FAM81A: variants seen among roughly 807,000 people sequenced by gnomAD.
FAM81A encodes family with sequence similarity 81 member A, also known as protein FAM81A.
A neutral mutation model predicts 46.7 loss-of-function variants in FAM81A; 19 were observed. The ratio of observed to expected loss-of-function variants is 0.41; its 90% CI spans 0.28 to 0.60. The LOEUF is 0.60. Among genes scored for constraint, FAM81A ranks in the 20% least tolerant of loss-of-function variants. FAM81A has a pLI of 0.34. For synonymous variants in FAM81A, 183 were observed against 152.9 expected (o/e 1.20, Z -1.45); for missense variants, 377 against 453.5 (o/e 0.83, Z 1.53).
chr15:59,453,291 G>A (rs2081441392), intron 1 of FAM81A, among the ~76,000 whole-genome samples: 1 of 152,160 alleles, frequency 6.6e-6, no homozygotes, highest in Non-Finnish European at 1.5e-5. Flanking sequence ...GTGATGTTGG[G>A]CCAGTTGCTG....
intron 6 of FAM81A, among the ~76,000 whole-genome samples, chr15:59,512,164 C>A (rs2082217602): frequency 6.6e-6 from 1 of 152,088 alleles, no homozygotes; most frequent in Non-Finnish European, 1.5e-5. Flanking sequence ...TTAGTACGTT[C>A]CATTTGTATA....
intron 6 of FAM81A, among the ~76,000 whole-genome samples, chr15:59,510,557 C>G (rs1231149604): frequency 6.6e-6 from 1 of 151,772 alleles, no homozygotes; most frequent in African/African-American, 2.4e-5. Context: ...GGTCTGGTAC[C>G]TTCAGATACT....
Position 59,450,756 on chromosome 15 carries a change from G to T in FAM81A, c.-77-7794G>T, listed in dbSNP as rs185919629. Reference sequence around the variant, plus strand: ...ACCCTTCAATATTCTTTTAAGATTTGCCAAGCAAGACAGCCACTTGGAAAT... The same window carrying T: ...ACCCTTCAATATTCTTTTAAGATTTTCCAAGCAAGACAGCCACTTGGAAAT... On this transcript the variant is annotated intron_variant, in intron 1 of 8. Coordinates refer to ENST00000288228, the MANE Select transcript of FAM81A (RefSeq NM_152450.3). Among the ~76,000 whole-genome samples the T allele has an allele frequency of 1.5e-3, 236 of 152,278 alleles. 2 individuals are homozygous for T. Among genetic ancestry groups the T allele is most frequent in the African/African-American group, 5.0e-3 (206 of 41,542 alleles).
In FAM81A at chr15:59,521,582, G is replaced by A; in HGVS notation, c.*204G>A. 1 of 486,374 alleles carries A rather than the reference G, an allele frequency of 2.1e-6. No individual in the cohort carries two copies. The highest frequency in any genetic ancestry group is 3.3e-6 in the Non-Finnish European group (1 of 303,836). 30.1% of individuals were successfully genotyped at this position (486,374 alleles called of 1,614,324 possible). A position where few individuals can be genotyped will look rare whatever the true frequency, so the allele number is the denominator to read the frequency against. On this transcript the variant is annotated 3_prime_UTR_variant, in exon 9 of 9. Coordinates refer to ENST00000288228, the MANE Select transcript of FAM81A (RefSeq NM_152450.3). ...AAAGTATGAAATACAGTTTTTACCA[G>A]TTTATTTCACTTCTCTAAATTCAAT...
At chr15:59,441,404 A>G (rs555513798) in intron 1 of FAM81A, among the ~76,000 whole-genome samples, 1 of 152,394 alleles carries the variant, frequency 6.6e-6, no homozygotes, top group South Asian at 2.1e-4. Flanking sequence ...AAGTGTGGCT[A>G]GTATGACTGA....
At chr15:59,479,519 G>GAAAAAAAAAAAAAAA (rs57107735) in intron 3 of FAM81A, among the ~76,000 whole-genome samples, 11 of 72,674 alleles carry the variant, frequency 1.5e-4, no homozygotes, top group Non-Finnish European at 2.2e-4. Context: ...TCAAAAATAA[G>GAAAAAAAAAAAAAAA]AAAAAAAAAA....
At chr15:59,411,124 C>T (rs1038839451) in intron 2 of FAM81A, among the ~76,000 whole-genome samples, 2 of 152,116 alleles carry the variant, frequency 1.3e-5, no homozygotes. Context: ...AGTATATTAG[C>T]TTTTATAATT....
At chr15:59,439,523 G>A (rs115782594) in intron 1 of FAM81A, among the ~76,000 whole-genome samples, 135 of 152,162 alleles carry the variant, frequency 8.9e-4, no homozygotes, top group African/African-American at 3.2e-3. Context: ...TCCACGGAGG[G>A]GAATGGAGGA....
chr15:59,465,340 T>C (rs555682443), intron 3 of FAM81A, among the ~76,000 whole-genome samples: 21 of 152,342 alleles, frequency 1.4e-4, no homozygotes, highest in African/African-American at 4.8e-4. Flanking sequence ...TGGCGTGATA[T>C]TGGCTCACGG....
intron 3 of FAM81A, among the ~76,000 whole-genome samples, chr15:59,473,656 G>A (rs1450670242): frequency 6.6e-6 from 1 of 152,156 alleles, no homozygotes; most frequent in Non-Finnish European, 1.5e-5. Context: ...ATGGGAGTCA[G>A]TCTATTCTGA....
At chr15:59,470,823 CT>C (rs1292260969) in intron 3 of FAM81A, among the ~76,000 whole-genome samples, 1 of 151,960 alleles carries the variant, frequency 6.6e-6, no homozygotes, top group Admixed American at 6.6e-5. Context: ...GAACACCCTC[CT>C]TTTTTTTCTT....
chr15:59,416,352 G>A (rs1349065317), intron 2 of FAM81A, among the ~76,000 whole-genome samples: 1 of 152,208 alleles, frequency 6.6e-6, no homozygotes, highest in East Asian at 1.9e-4. Context: ...GGAGAGACGG[G>A]GGCTTTTGTC....
intron 2 of FAM81A, among the ~76,000 whole-genome samples, chr15:59,407,441 C>T (rs2081101137): frequency 6.6e-6 from 1 of 151,936 alleles, no homozygotes; most frequent in African/African-American, 2.4e-5. Context: ...ACTACAGGCA[C>T]CCGCCACCAC....
At chr15:59,486,306 A>C (rs2081916436) in intron 3 of FAM81A, among the ~76,000 whole-genome samples, 1 of 152,190 alleles carries the variant, frequency 6.6e-6, no homozygotes, top group Admixed American at 6.5e-5. Flanking sequence ...CAGAAGAAAG[A>C]ATTAATGAGC....
rs77004704 is a variant in FAM81A, at chr15:59,400,236, C to T, written c.-160-2040C>T. ...CTGGGGGAATGCGTCTGCACACGTC[C>T]CAATACCAGAGCGAGAAAGTCAGGA... On this transcript the variant is annotated intron_variant, in intron 1 of 4. Coordinates refer to the FAM81A transcript ENST00000558348. Among the ~76,000 whole-genome samples, 470 of 151,034 alleles carry T rather than the reference C, an allele frequency of 3.1e-3. 5 individuals are homozygous for T. Among genetic ancestry groups the T allele is most frequent in the African/African-American group, 0.01 (430 of 41,470 alleles).
At chr15:59,474,212 T>C (rs773537643) in intron 3 of FAM81A, among the ~76,000 whole-genome samples, 6 of 152,240 alleles carry the variant, frequency 3.9e-5, no homozygotes, top group Non-Finnish European at 8.8e-5. Context: ...TTCCTCATCT[T>C]TGCATTGTCT....
At chr15:59,514,801 C>T (rs1347851646) in intron 7 of FAM81A, among the ~76,000 whole-genome samples, 2 of 152,190 alleles carry the variant, frequency 1.3e-5, no homozygotes, top group African/African-American at 4.8e-5. Flanking sequence ...AGATTTCTGT[C>T]TCCAGATCAC....
At chr15:59,490,839 GCAAA>G (rs1258060741) in intron 3 of FAM81A, among the ~76,000 whole-genome samples, 4 of 152,002 alleles carry the variant, frequency 2.6e-5, no homozygotes, top group Admixed American at 6.6e-5. Context: ...GTCTCAAAAA[GCAAA>G]CAAACAAAAC....
At chr15:59,399,327 G>A (rs549646141) in intron 1 of FAM81A, among the ~76,000 whole-genome samples, 1 of 152,190 alleles carries the variant, frequency 6.6e-6, no homozygotes, top group South Asian at 2.1e-4. Context: ...TAGCCAAATG[G>A]TCTCATCCAG....
Sources: gnomAD v4.1 joint callset for allele counts (sites outside exome capture counted in the v4.1 genomes callset) on GRCh38, gnomAD v4.1.1 for gene constraint, MANE v1.5 for transcripts, NCBI Gene and HGNC (gene_info 2026-07-23, HGNC 2026-07-21) for gene names.